ATP6V1H: variants seen among roughly 807,000 people sequenced by gnomAD.
ATP6V1H encodes the protein ATPase H+ transporting V1 subunit H.
A neutral mutation model predicts 71.7 loss-of-function variants in ATP6V1H; 39 were observed. The observed-to-expected ratio is 0.54, with a 90% CI of 0.42 to 0.71. The LOEUF (loss-of-function observed/expected upper bound fraction) is 0.71. Among genes scored for constraint, ATP6V1H ranks in the 30% least tolerant of loss-of-function variants. The pLI is 0.00. For synonymous variants in ATP6V1H, 192 were observed against 199.3 expected (o/e 0.96, Z 0.31); for missense variants, 509 against 594.9 (o/e 0.86, Z 1.50).
At position 53,814,838 on chromosome 8, in the gene ATP6V1H, G is replaced by A. The variant is rs988233066; in HGVS notation, c.421-72C>T. On this transcript the variant is annotated intron_variant, in intron 5 of 13. Transcript: ENST00000359530. The stretch of plus-strand genomic sequence containing the variant: ...ATCACATCATATACCTTAAAAAAAG[G>A]ATTTGTAACAATTTTGCTACACAAT... 9 of 1,017,890 alleles carry A rather than the reference G, an allele frequency of 8.8e-6. No individual in the cohort carries two copies. The South Asian group carries it at 1.4e-4, about 16-fold the overall frequency. The allele number at this position is 1,017,890 out of a possible 1,614,324, so 63.1% of individuals were successfully genotyped here.
chr8:53,729,162 C>A (rs554286148), intron 13 of ATP6V1H, among the ~76,000 whole-genome samples: 4 of 152,096 alleles, frequency 2.6e-5, no homozygotes, highest in Admixed American at 1.3e-4. Flanking sequence ...GAGACTAGCA[C>A]CACATGTTTT....
intron 4 of ATP6V1H, among the ~76,000 whole-genome samples, chr8:53,819,747 GTATA>G (rs1190878110): frequency 1.4e-5 from 2 of 141,162 alleles, no homozygotes; most frequent in East Asian, 2.1e-4. Context: ...TATAGTGTGT[GTATA>G]TATACACACA....
intron 13 of ATP6V1H, among the ~76,000 whole-genome samples, chr8:53,720,430 C>A (rs1456579130): frequency 1.3e-5 from 2 of 152,206 alleles, no homozygotes; most frequent in African/African-American, 2.4e-5. Context: ...GTGCCTGAGG[C>A]TTGACAGGGG....
intron 13 of ATP6V1H, among the ~76,000 whole-genome samples, chr8:53,722,837 A>C (rs1192591922): frequency 6.6e-6 from 1 of 152,204 alleles, no homozygotes; most frequent in Non-Finnish European, 1.5e-5. Flanking sequence ...AACAAAATTT[A>C]AAGTTATTTT....
At chr8:53,819,547 C>CAAATAT (rs1810564738) in intron 4 of ATP6V1H, among the ~76,000 whole-genome samples, 1 of 35,136 alleles carries the variant, frequency 2.8e-5, no homozygotes, top group Non-Finnish European at 4.7e-5. Flanking sequence ...AAAAAAAAAG[C>CAAATAT]ATATATATAT....
At chr8:53,790,835 T>G (rs554072791) in intron 9 of ATP6V1H, among the ~76,000 whole-genome samples, 1 of 152,248 alleles carries the variant, frequency 6.6e-6, no homozygotes, top group South Asian at 2.1e-4. Context: ...GAACAGAGAT[T>G]ATAAACTGCA....
At position 53,715,795 on chromosome 8, in the gene ATP6V1H, A is replaced by C. The variant is rs183776318; in HGVS notation, c.*169T>G. The C allele has an allele frequency of 8.2e-4, 433 of 529,772 alleles. 3 individuals are homozygous for C. The East Asian group carries it at 0.01, about 12-fold the overall frequency. The allele number at this position is 529,772 out of a possible 1,614,324, so 32.8% of individuals were successfully genotyped here. ...AGAATCACCTACTTTTATACAACTT[A>C]ACAGGCAAACATGTTATTTTGTTGT... On this transcript the variant is annotated 3_prime_UTR_variant, in exon 14 of 14. Transcript: ENST00000359530.
intron 6 of ATP6V1H, among the ~76,000 whole-genome samples, chr8:53,813,620 C>G (rs1810355211): frequency 6.6e-6 from 1 of 152,140 alleles, no homozygotes; most frequent in Non-Finnish European, 1.5e-5. Context: ...ATCAATCCCA[C>G]CAAACCTCTT....
Position 53,788,740 on chromosome 8 carries a change from C to T in ATP6V1H, c.870+6907G>A, listed in dbSNP as rs148672260. Among the ~76,000 whole-genome samples, 339 of 152,328 alleles carry T rather than the reference C, an allele frequency of 2.2e-3. 2 individuals carry two copies. The highest frequency in any genetic ancestry group is 7.9e-3 in the African/African-American group (328 of 41,584). On this transcript the variant is annotated intron_variant, in intron 9 of 13. Transcript: ENST00000359530. Reference sequence around the variant, plus strand: ...TGGAATTCACACCTAGGTCTATCCACTCCAGAGAGACTCTTGTCTATCCTT... The same window carrying T: ...TGGAATTCACACCTAGGTCTATCCATTCCAGAGAGACTCTTGTCTATCCTT...
intron 13 of ATP6V1H, among the ~76,000 whole-genome samples, chr8:53,738,743 A>C (rs1807315801): frequency 1.3e-5 from 2 of 152,132 alleles, no homozygotes; most frequent in East Asian, 3.8e-4. Flanking sequence ...CAACAATCTG[A>C]GGTTTATGTT....
chr8:53,725,920 C>T (rs978054406), intron 13 of ATP6V1H, among the ~76,000 whole-genome samples: 2 of 152,034 alleles, frequency 1.3e-5, no homozygotes, highest in Non-Finnish European at 2.9e-5. Context: ...GTCTGAAGGG[C>T]GCTGACCGTT....
At chr8:53,752,547 ACTTT>A (rs1441531632) in intron 12 of ATP6V1H, among the ~76,000 whole-genome samples, 1 of 152,156 alleles carries the variant, frequency 6.6e-6, no homozygotes, top group Non-Finnish European at 1.5e-5. Flanking sequence ...GAGTATAGAT[ACTTT>A]CTTTTTTTTC....
chr8:53,725,456 T>G (rs892600705), intron 13 of ATP6V1H, among the ~76,000 whole-genome samples: 2 of 151,206 alleles, frequency 1.3e-5, no homozygotes. Context: ...CATCAGAAAA[T>G]AAACAAAGAC....
At chr8:53,730,022 G>A (rs1433715516) in intron 13 of ATP6V1H, among the ~76,000 whole-genome samples, 1 of 152,240 alleles carries the variant, frequency 6.6e-6, no homozygotes, top group East Asian at 1.9e-4. Context: ...ACACAGCTCA[G>A]CCTATGCCTC....
chr8:53,756,215 C>G (rs1354423536), intron 12 of ATP6V1H: 4 of 152,512 alleles, frequency 2.6e-5, no homozygotes, highest in African/African-American at 7.4e-5. Context: ...GGACTACAGG[C>G]GCGTGCCACC....
At chr8:53,797,505 C>A (rs561998296) in intron 8 of ATP6V1H, among the ~76,000 whole-genome samples, 1 of 152,268 alleles carries the variant, frequency 6.6e-6, no homozygotes, top group African/African-American at 2.4e-5. Flanking sequence ...TTCAGAGACA[C>A]CAATATCAGC....
intron 12 of ATP6V1H, among the ~76,000 whole-genome samples, chr8:53,746,663 T>G (rs1807614078): frequency 6.6e-6 from 1 of 152,146 alleles, no homozygotes; most frequent in African/African-American, 2.4e-5. Context: ...CTCGCCCCAC[T>G]GAAACTCACA....
intron 4 of ATP6V1H, among the ~76,000 whole-genome samples, chr8:53,828,534 AT>A (rs1481145729): frequency 6.6e-6 from 1 of 152,136 alleles, no homozygotes; most frequent in Admixed American, 6.5e-5. Flanking sequence ...TAACATTCAC[AT>A]TTTTCTAAAC....
At chr8:53,825,340 T>C (rs888848234) in intron 4 of ATP6V1H, among the ~76,000 whole-genome samples, 7 of 152,150 alleles carry the variant, frequency 4.6e-5, no homozygotes, top group Admixed American at 3.3e-4. Flanking sequence ...AGGCCTTGTT[T>C]TGATTTTTTT....
Sources: gnomAD v4.1 joint callset for allele counts (sites outside exome capture counted in the v4.1 genomes callset) on GRCh38, gnomAD v4.1.1 for gene constraint, MANE v1.5 for transcripts, NCBI Gene and HGNC (gene_info 2026-07-23, HGNC 2026-07-21) for gene names.